AK9: variants seen among roughly 807,000 people sequenced by gnomAD.
AK9 encodes adenylate kinase domain containing 1.
Under a neutral mutation model 239.6 loss-of-function variants are expected in AK9, and 191 were observed. That is an observed-to-expected ratio of 0.80 (90% CI 0.71 to 0.90). AK9 has a LOEUF of 0.90. Among genes scored for constraint, AK9 ranks in the 40% least tolerant of loss-of-function variants. The pLI is 0.00. For synonymous variants in AK9, 689 were observed against 721.0 expected (o/e 0.96, Z 0.71); for missense variants, 1,995 against 2,214.7 (o/e 0.90, Z 1.99).
At chr6:109,612,667 T>G (rs548451025) in intron 15 of AK9, among the ~76,000 whole-genome samples, 1 of 152,132 alleles carries the variant, frequency 6.6e-6, no homozygotes, top group Admixed American at 6.6e-5. Context: ...CTGTGTGTGT[T>G]AAGGGAGGAG....
chr6:109,610,260 A>C, intron 17 of AK9, 105 bp downstream of exon 17: 1 of 1,366,476 alleles, frequency 7.3e-7, no homozygotes, highest in Non-Finnish European at 9.9e-7. Context: ...GAAGGCTACA[A>C]ATTTCAACAT....
intron 21 of AK9, among the ~76,000 whole-genome samples, chr6:109,566,902 C>T (rs1343517586): frequency 6.6e-6 from 1 of 152,096 alleles, no homozygotes; most frequent in Non-Finnish European, 1.5e-5. Context: ...ACACAACATA[C>T]CAGAATCTCT....
intron 38 of AK9, among the ~76,000 whole-genome samples, chr6:109,495,795 T>C (rs1776970938): frequency 6.6e-6 from 1 of 152,114 alleles, no homozygotes; most frequent in African/African-American, 2.4e-5. Flanking sequence ...CAAGCAGAGC[T>C]ACCCACTTGT....
intron 22 of AK9, 26 bp from the exon 23 acceptor site, chr6:109,564,306 A>C (rs1187738104): frequency 6.7e-7 from 1 of 1,501,838 alleles, no homozygotes; most frequent in Non-Finnish European, 8.9e-7. Context: ...CAAAGGAAAG[A>C]AAAAAGGGGC....
At chr6:109,604,641 G>GT (rs1236655595) in intron 17 of AK9, among the ~76,000 whole-genome samples, 8 of 152,280 alleles carry the variant, frequency 5.3e-5, no homozygotes, top group African/African-American at 1.9e-4. Flanking sequence ...AGTTAGTAGA[G>GT]TAAGTCTCCC....
At position 109,546,060 on chromosome 6, in the gene AK9, A is replaced by G. The variant is rs535080377; in HGVS notation, c.3032T>C (p.Leu1011Ser). The change falls in exon 26 of 41, where the codon TTG becomes TCG. Residue 1011 changes from leucine (L) to serine (S), a missense_variant. Transcript: ENST00000424296. ...GTGAAAAATGTTTAATTTTTCTGCC[A>G]ACTGTCTTCCACACATAGTTTTGCC... ...GSGKTMCGRQ[L>S]AEKLNIFHIQ... 1 of 1,613,388 alleles carries G rather than the reference A, an allele frequency of 6.2e-7. No homozygotes were observed. The highest frequency in any genetic ancestry group is 8.5e-7 in the Non-Finnish European group (1 of 1,179,698).
At chr6:109,660,443 T>C (rs1244307782) in intron 6 of AK9, among the ~76,000 whole-genome samples, 1 of 152,144 alleles carries the variant, frequency 6.6e-6, no homozygotes, top group Non-Finnish European at 1.5e-5. Flanking sequence ...GTACCACACA[T>C]TGAGAAACAA....
Position 109,499,123 on chromosome 6 carries a change from C to A in AK9, c.4967G>T (p.Cys1656Phe). The change falls in exon 36 of 41, where the codon TGC becomes TTC. Residue 1656 changes from cysteine (C) to phenylalanine (F), a missense_variant. This residue lies in a region of AK9 where 391 missense variants were observed against 456.0 expected (regional missense o/e 0.86). Coordinates refer to ENST00000424296, the MANE Select transcript of AK9 (RefSeq NM_001145128.3). ...AAATTCCAAGGAGTCAGTTGCAGAG[C>A]AATCAAATAATTCCTGGGATTCTGC... ...SLAESQELFD[C>F]SATDSLEFAA... is the part of the protein sequence containing the mutation. The A allele has an allele frequency of 6.2e-7, 1 of 1,610,114 alleles. No individual in the cohort carries two copies. The highest frequency in any genetic ancestry group is 8.5e-7 in the Non-Finnish European group (1 of 1,178,104).
At chr6:109,526,220 C>A (rs1468798352) in intron 29 of AK9, among the ~76,000 whole-genome samples, 1 of 151,994 alleles carries the variant, frequency 6.6e-6, no homozygotes, top group Non-Finnish European at 1.5e-5. Flanking sequence ...TATTTGTACA[C>A]CAAACCCCGG....
rs1169849167 is a variant in AK9, at chr6:109,674,183, AAAG to A, written c.181+12_181+14del. On this transcript the variant is annotated intron_variant, in intron 3 of 40. Coordinates refer to ENST00000424296, the MANE Select transcript of AK9 (RefSeq NM_001145128.3). Reference sequence around the variant, plus strand: ...TTTTCATAATAAAATATTAGAGAAAAAAGATAAAATTTACCTTCAACACGAATA... The same window carrying A: ...TTTTCATAATAAAATATTAGAGAAAAATAAAATTTACCTTCAACACGAATA... 4 of 1,558,182 alleles carry A rather than the reference AAAG, an allele frequency of 2.6e-6. No individual in the cohort carries two copies. In the East Asian group the frequency reaches 6.8e-5, roughly 27 times the overall value.
At chr6:109,669,508 T>A (rs894298350) in intron 5 of AK9, among the ~76,000 whole-genome samples, 1 of 152,208 alleles carries the variant, frequency 6.6e-6, no homozygotes, top group African/African-American at 2.4e-5. Context: ...CCATTCAGTA[T>A]GATATTGGCT....
intron 8 of AK9, among the ~76,000 whole-genome samples, chr6:109,649,547 A>T (rs1798600469): frequency 6.6e-6 from 1 of 152,132 alleles, no homozygotes; most frequent in African/African-American, 2.4e-5. Context: ...GGACCTCTTC[A>T]AGGAGAACTA....
chr6:109,632,826 C>T, intron 12 of AK9, 97 bp downstream of exon 12: 2 of 1,384,524 alleles, frequency 1.4e-6, no homozygotes, highest in Non-Finnish European at 1.9e-6. Flanking sequence ...TAAAATCCTA[C>T]AAATTATAAT....
At chr6:109,614,065 T>C in intron 15 of AK9, 118 bp downstream of exon 15, 1 of 931,998 alleles carries the variant, frequency 1.1e-6, no homozygotes, top group South Asian at 1.7e-5. Context: ...ATTTAGCTTT[T>C]TTCCTCCTGA....
At position 109,573,586 on chromosome 6, in the gene AK9, C is replaced by T. The variant is rs1787700815; in HGVS notation, c.2200G>A (p.Glu734Lys). Residue 734 changes from glutamate (E) to lysine (K), a missense_variant, in exon 21 of 41, where the codon GAG (glutamate) becomes AAG (lysine). Around this residue, in one of 5 missense-constraint regions of AK9, gnomAD observed 1,290 missense variants for 1,392.7 expected, o/e 0.93. Coordinates refer to ENST00000424296, the MANE Select transcript of AK9 (RefSeq NM_001145128.3). ...TCCTCTTCATCCTCATTATCAGTCT[C>T]TTCAGCTTCTAAAAAAATTTGAAGA... The part of the protein sequence containing the change: ...LMKVKAKEAE[E>K]TDNEDEEEIE... 2 of 1,532,976 alleles carry T rather than the reference C, an allele frequency of 1.3e-6. No homozygotes were observed. Among genetic ancestry groups the T allele is most frequent in the Non-Finnish European group, 1.8e-6 (2 of 1,141,468 alleles). 95.0% of individuals were successfully genotyped at this position (1,532,976 alleles called of 1,614,324 possible). A position where few individuals can be genotyped will look rare whatever the true frequency, so the allele number is the denominator to read the frequency against.
chr6:109,602,352 T>C (rs1418849041), intron 17 of AK9, among the ~76,000 whole-genome samples: 1 of 152,238 alleles, frequency 6.6e-6, no homozygotes, highest in African/African-American at 2.4e-5. Context: ...TGGCTGGATA[T>C]GAAATTCTGG....
chr6:109,662,592 T>A lies in AK9; in HGVS notation c.403A>T (p.Lys135Ter), dbSNP rs920099326. ...ACATCAGGTTTCAGGTTTAAGTTTT[T>A]AATTAATTCTATTTGCTGTAAGGTA... Reference protein sequence around the residue: ...MTTLQQIELIKNLNLKPDVII... With the variant: ...MTTLQQIELI Residue 135 changes from lysine to a stop codon, truncating the protein, a stop_gained, in exon 6 of 41, where the codon AAA (lysine) becomes TAA (stop). Coordinates refer to ENST00000424296, the MANE Select transcript of AK9 (RefSeq NM_001145128.3). LOFTEE classifies it high-confidence loss of function. The A allele has an allele frequency of 8.2e-6, 13 of 1,587,870 alleles. No individual in the cohort carries two copies. Among genetic ancestry groups the A allele is most frequent in the Non-Finnish European group, 1.1e-5 (13 of 1,166,514 alleles).
At chr6:109,517,638 C>T (rs1434160773) in intron 29 of AK9, among the ~76,000 whole-genome samples, 1 of 152,142 alleles carries the variant, frequency 6.6e-6, no homozygotes, top group Non-Finnish European at 1.5e-5. Context: ...GTGAACGTTA[C>T]CTATTATTAT....
At chr6:109,587,120 T>G (rs1430255198) in intron 17 of AK9, among the ~76,000 whole-genome samples, 2 of 152,180 alleles carry the variant, frequency 1.3e-5, no homozygotes, top group African/African-American at 4.8e-5. Context: ...CTTTTTGAAT[T>G]ATTATCTGAA....
Sources: gnomAD v4.1 joint callset for allele counts (sites outside exome capture counted in the v4.1 genomes callset) on GRCh38, gnomAD v4.1.1 for gene constraint, gnomAD v4.1.1 regional missense constraint, MANE v1.5 for transcripts, NCBI Gene and HGNC (gene_info 2026-07-23, HGNC 2026-07-21) for gene names.